Variants in CEP152 observed in about 807,000 individuals in gnomAD.
CEP152 encodes the protein centrosomal protein of 152 kDa.
A neutral mutation model predicts 188.9 loss-of-function variants in CEP152; 132 were observed. The ratio of observed to expected loss-of-function variants is 0.70; its 90% CI spans 0.61 to 0.81. CEP152 has a LOEUF of 0.81. Ranked by LOEUF, CEP152 falls within the 30% of genes least tolerant of loss-of-function variation. The pLI is 0.00. For missense variants in CEP152, 1,914 were observed against 1,969.8 expected, an observed-to-expected ratio of 0.97 and a Z score of 0.54; for synonymous variants, 649 against 666.6, an observed-to-expected ratio of 0.97 and a Z score of 0.41.
intron 9 of CEP152, among the ~76,000 whole-genome samples, chr15:48,785,201 C>T (rs1896545514): frequency 1.3e-5 from 2 of 152,204 alleles, no homozygotes; most frequent in Non-Finnish European, 2.9e-5. Flanking sequence ...CCCATAAGAG[C>T]ACCAATACAT....
chr15:48,766,611 T>A (rs752939986), intron 17 of CEP152, among the ~76,000 whole-genome samples: 13 of 152,196 alleles, frequency 8.5e-5, no homozygotes, highest in Non-Finnish European at 1.8e-4. Flanking sequence ...TTCAAATTCC[T>A]ACTCTTCTCC....
At chr15:48,767,535 T>C in intron 15 of CEP152, 72 bp from the exon 16 acceptor site, 1 of 1,601,380 alleles carries the variant, frequency 6.2e-7, no homozygotes, top group Non-Finnish European at 8.5e-7. Flanking sequence ...GTTTCCTTCC[T>C]TCCTCCTCAC....
chr15:48,752,445 C>T lies in CEP152; in HGVS notation c.3370G>A (p.Asp1124Asn). ...TGGCCAGTGCCCTGGCTGGCAGAAT[C>T]CTTAGAGAGCTCGGCCATATTTCTC... ...KKRNMAELSK[D>N]SASQGTGQGD... Residue 1124 changes from aspartate to asparagine, a missense_variant, in exon 21 of 27, where the codon GAT becomes AAT. Coordinates refer to ENST00000380950, the MANE Select transcript of CEP152 (RefSeq NM_001194998.2). 1 of 1,613,746 alleles carries T rather than the reference C, an allele frequency of 6.2e-7. No individual in the cohort carries two copies. The highest frequency in any genetic ancestry group is 8.5e-7 in the Non-Finnish European group (1 of 1,180,018).
chr15:48,777,276 GTAT>G (rs1274614075), intron 12 of CEP152, among the ~76,000 whole-genome samples: 1 of 151,850 alleles, frequency 6.6e-6, no homozygotes, highest in Non-Finnish European at 1.5e-5. Flanking sequence ...CTAACATAAG[GTAT>G]TAGTAGGGAA....
chr15:48,740,947 A>T, intron 26 of CEP152: 1 of 818,984 alleles, frequency 1.2e-6, no homozygotes, highest in Non-Finnish European at 1.5e-6. Flanking sequence ...TACCCCATTC[A>T]TATCCCCTAG....
intron 2 of CEP152, among the ~76,000 whole-genome samples, chr15:48,803,819 A>G (rs571946981): frequency 1.5e-4 from 23 of 152,348 alleles, no homozygotes; most frequent in African/African-American, 5.5e-4. Context: ...ATCACCTGTC[A>G]AAATATTTTT....
rs1894222392 is a variant in CEP152 at position 48,755,908 on chromosome 15, T to A, written c.3340A>T (p.Lys1114Ter). ...LLVENADPEW[K>*]KRNMAELSKD... Reference sequence around the variant, plus strand: ...TCTCACTCTCAGGAACATACCTTTTTCCATTCTGGGTCAGCGTTTTCTACA... The same window carrying A: ...TCTCACTCTCAGGAACATACCTTTTACCATTCTGGGTCAGCGTTTTCTACA... The change falls in exon 20 of 27, where the codon AAA becomes TAA. Residue 1114 changes from lysine (K) to a stop codon, truncating the protein, a stop_gained. Transcript: ENST00000380950. LOFTEE classifies it high-confidence loss of function. 1 of 1,613,610 alleles carries A rather than the reference T, an allele frequency of 6.2e-7. No homozygotes were observed. Among genetic ancestry groups the A allele is most frequent in the Non-Finnish European group, 8.5e-7 (1 of 1,179,904 alleles).
chr15:48,771,908 A>G (rs894549273), intron 13 of CEP152, among the ~76,000 whole-genome samples: 4 of 152,226 alleles, frequency 2.6e-5, no homozygotes, highest in African/African-American at 9.6e-5. Flanking sequence ...TACTGAAAGT[A>G]AAAAACAGAA....
At chr15:48,771,843 C>T (rs1567003155) in intron 13 of CEP152, among the ~76,000 whole-genome samples, 1 of 152,188 alleles carries the variant, frequency 6.6e-6, no homozygotes, top group African/African-American at 2.4e-5. Context: ...TCATCTAATG[C>T]AAAGCTTCAT....
At chr15:48,790,185 A>G (rs1470867990) in intron 8 of CEP152, among the ~76,000 whole-genome samples, 1 of 152,240 alleles carries the variant, frequency 6.6e-6, no homozygotes, top group Non-Finnish European at 1.5e-5. Context: ...TAAGAGATCC[A>G]TCCACTGAAT....
intron 1 of CEP152, among the ~76,000 whole-genome samples, chr15:48,809,393 A>C (rs756487393): frequency 2.6e-5 from 4 of 152,238 alleles, no homozygotes; most frequent in Non-Finnish European, 5.9e-5. Flanking sequence ...CCACTGATAT[A>C]AACAGTTACA....
intron 1 of CEP152, among the ~76,000 whole-genome samples, chr15:48,808,364 T>G (rs1898123370): frequency 6.6e-6 from 1 of 150,844 alleles, no homozygotes; most frequent in Non-Finnish European, 1.5e-5. Flanking sequence ...AAGACATCAT[T>G]AACGAGTCAA....
intron 17 of CEP152, among the ~76,000 whole-genome samples, 163 bp downstream of exon 17, chr15:48,766,897 G>T (rs1309166987): frequency 1.3e-5 from 2 of 150,830 alleles, no homozygotes; most frequent in Admixed American, 6.6e-5. Flanking sequence ...AGTAATTACT[G>T]TATTTTATTT....
intron 26 of CEP152, among the ~76,000 whole-genome samples, chr15:48,740,150 A>G (rs769234354): frequency 7.9e-5 from 12 of 152,204 alleles, no homozygotes; most frequent in Non-Finnish European, 1.6e-4. Flanking sequence ...CTTGCTTTAT[A>G]TAAAGCTGTA....
At chr15:48,801,007 A>G (rs914268439) in intron 2 of CEP152, among the ~76,000 whole-genome samples, 12 of 152,346 alleles carry the variant, frequency 7.9e-5, no homozygotes, top group Non-Finnish European at 1.5e-4. Context: ...TAAATTAACT[A>G]AACAGATTAT....
Position 48,737,982 on chromosome 15 carries a change from G to A in CEP152, c.*267C>T, listed in dbSNP as rs1892686627. On this transcript the variant is annotated 3_prime_UTR_variant, in exon 27 of 27. Transcript: ENST00000380950. ...TATTTAAATAAGTTAACACTGCAGAGTGAGTCAATTTATAAGTATAAAAAT... is the reference window on the plus strand; with the variant it reads ...TATTTAAATAAGTTAACACTGCAGAATGAGTCAATTTATAAGTATAAAAAT... The A allele has an allele frequency of 5.3e-6, 2 of 376,638 alleles. No individual in the cohort carries two copies. Among genetic ancestry groups the A allele is most frequent in the Admixed American group, 8.6e-5 (2 of 23,146 alleles). 23.3% of individuals were successfully genotyped at this position (376,638 alleles called of 1,614,324 possible). A position where few individuals can be genotyped will look rare whatever the true frequency, so the allele number is the denominator to read the frequency against.
chr15:48,786,268 G>C (rs1896626664), intron 9 of CEP152, among the ~76,000 whole-genome samples: 2 of 152,026 alleles, frequency 1.3e-5, no homozygotes, highest in African/African-American at 4.8e-5. Flanking sequence ...GGTGGAGAGA[G>C]TCCAGGCGAT....
intron 6 of CEP152, among the ~76,000 whole-genome samples, chr15:48,793,990 G>A (rs1464617301): frequency 6.6e-6 from 1 of 152,062 alleles, no homozygotes; most frequent in Admixed American, 6.5e-5. Context: ...TATTTATATT[G>A]ATGCTGGCAC....
intron 8 of CEP152, among the ~76,000 whole-genome samples, chr15:48,789,692 C>T (rs908382501): frequency 3.9e-5 from 6 of 152,148 alleles, no homozygotes; most frequent in Non-Finnish European, 7.3e-5. Context: ...AAAGTCAGAA[C>T]CAGAGAGACT....
Sources: allele counts gnomAD v4.1 joint callset (sites outside exome capture counted in the v4.1 genomes callset), GRCh38; gene constraint gnomAD v4.1.1; transcripts MANE v1.5; gene names NCBI Gene and HGNC (gene_info 2026-07-23, HGNC 2026-07-21).